RUFY1: variants seen among roughly 807,000 people sequenced by gnomAD.
RUFY1 encodes RUN and FYVE domain-containing protein 1.
RUFY1 carries 54 observed loss-of-function variants against 94.6 expected under a neutral mutation model. The ratio of observed to expected loss-of-function variants is 0.57; its 90% CI spans 0.46 to 0.72. The LOEUF (loss-of-function observed/expected upper bound fraction) is 0.72, where lower values mean the gene tolerates loss of function less well. Among genes scored for constraint, RUFY1 ranks in the 30% least tolerant of loss-of-function variants. The pLI is 0.00. For missense variants in RUFY1, 883 were observed against 883.9 expected, an observed-to-expected ratio of 1.00 and a Z score of 0.01; for synonymous variants, 396 against 347.3, an observed-to-expected ratio of 1.14 and a Z score of -1.56.
intron 3 of RUFY1, 86 bp from the exon 4 acceptor site, chr5:179,567,375 C>A: frequency 1.0e-6 from 1 of 961,888 alleles, no homozygotes; most frequent in Non-Finnish European, 1.7e-6. Context: ...GGTGTGTTTC[C>A]TATGTGTCTC....
At chr5:179,596,762 T>G in intron 13 of RUFY1, 81 bp downstream of exon 13, 1 of 430,410 alleles carries the variant, frequency 2.3e-6, no homozygotes, top group East Asian at 1.1e-4. Context: ...GTATCCTGCT[T>G]CAGCACGAAC....
chr5:179,594,488 G>A (rs1287922037), intron 11 of RUFY1, among the ~76,000 whole-genome samples: 1 of 146,572 alleles, frequency 6.8e-6, no homozygotes, highest in Non-Finnish European at 1.5e-5. Context: ...TAGTCCGGGC[G>A]TGGTGGCTCA....
chr5:179,556,752 A>G lies in RUFY1; in HGVS notation c.311-3273A>G, dbSNP rs554160427. Among the ~76,000 whole-genome samples the G allele has an allele frequency of 3.0e-3, 456 of 152,154 alleles. 1 individual carries two copies. The highest frequency in any genetic ancestry group is 0.01 in the African/African-American group (434 of 41,472). ...TGACCTCAGGTGATCTGCCTGCCTC[A>G]GCCTCCCAAAGTGCTGGGATTACAG... On this transcript the variant is annotated intron_variant, in intron 1 of 17. Transcript: ENST00000319449.
intron 1 of RUFY1, chr5:179,559,815 A>AC (rs933031344): frequency 4.9e-5 from 65 of 1,328,244 alleles, no homozygotes; most frequent in Non-Finnish European, 8.7e-6. Context: ...GGCTCTTCTG[A>AC]CCCAAGGCCC....
intron 6 of RUFY1, among the ~76,000 whole-genome samples, chr5:179,579,468 T>C (rs1320880869): frequency 5.3e-5 from 8 of 151,100 alleles, no homozygotes; most frequent in Admixed American, 1.3e-4. Context: ...GTAGCTGAGA[T>C]TACAGGCGCC....
chr5:179,574,928 G>C (rs1404567251), intron 5 of RUFY1, among the ~76,000 whole-genome samples: 1 of 151,416 alleles, frequency 6.6e-6, no homozygotes, highest in Non-Finnish European at 1.5e-5. Context: ...ATTTTTTTAT[G>C]ATTTGGTTTT....
intron 5 of RUFY1, among the ~76,000 whole-genome samples, chr5:179,571,104 C>T (rs570338043): frequency 1.3e-5 from 2 of 152,244 alleles, no homozygotes; most frequent in African/African-American, 2.4e-5. Flanking sequence ...TTCTCAATAA[C>T]GAGAGATATA....
chr5:179,555,870 G>A (rs1029604245), intron 1 of RUFY1: 3 of 244,636 alleles, frequency 1.2e-5, no homozygotes, highest in African/African-American at 7.2e-5. Context: ...AGTAGAGACA[G>A]GGTTTCACCA....
intron 1 of RUFY1, among the ~76,000 whole-genome samples, chr5:179,556,508 T>G (rs1377701317): frequency 6.9e-6 from 1 of 144,568 alleles, no homozygotes; most frequent in Non-Finnish European, 1.5e-5. Flanking sequence ...TTGAATTGCG[T>G]TTTTTTTTTT....
intron 10 of RUFY1, 44 bp from the exon 11 acceptor site, chr5:179,593,434 G>C (rs1381143775): frequency 1.3e-6 from 2 of 1,568,924 alleles, no homozygotes; most frequent in South Asian, 2.2e-5. Flanking sequence ...ATACATTTCT[G>C]TGATCTATTT....
At chr5:179,598,567 C>G (rs184293629) in intron 13 of RUFY1, 125 bp from the exon 14 acceptor site, 7 of 1,106,012 alleles carry the variant, frequency 6.3e-6, no homozygotes, top group Non-Finnish European at 9.3e-6. Flanking sequence ...GAAGCGTTGC[C>G]GAAGGCTTTA....
In RUFY1 at chr5:179,589,770, G is replaced by C. The variant is rs1360415133; in HGVS notation, c.1128+123G>C. The C allele has an allele frequency of 1.3e-5, 10 of 761,792 alleles. No individual in the cohort carries two copies. In the Admixed American group the frequency reaches 1.6e-4, roughly 12 times the overall value. The allele number at this position is 761,792 out of a possible 1,614,324, so 47.2% of individuals were successfully genotyped here. ...ATGCAAAGGTGCCTTGCTTATGTCA[G>C]AAAGGGCCTCTCACTGCGGTCCCTG... is the stretch of plus-strand genomic sequence containing the variant. On this transcript the variant is annotated intron_variant, in intron 9 of 17. Coordinates refer to ENST00000319449, the MANE Select transcript of RUFY1 (RefSeq NM_025158.5).
At chr5:179,598,533 G>A (rs1376795634) in intron 13 of RUFY1, among the ~76,000 whole-genome samples, 159 bp from the exon 14 acceptor site, 2 of 152,138 alleles carry the variant, frequency 1.3e-5, no homozygotes, top group Non-Finnish European at 2.9e-5. Flanking sequence ...TCTTGTGGAA[G>A]GGCAGGTGAC....
chr5:179,607,407 C>A (rs1041071518), intron 16 of RUFY1, 175 bp from the exon 17 acceptor site: 2 of 623,296 alleles, frequency 3.2e-6, no homozygotes, highest in Admixed American at 5.7e-5. Flanking sequence ...CCGGCTGCGG[C>A]CAGACGGGGA....
In RUFY1 at chr5:179,577,124, A is replaced by G; in HGVS notation, c.878A>G (p.Asp293Gly). The G allele has an allele frequency of 1.1e-6, 1 of 939,074 alleles. No homozygotes were observed. Among genetic ancestry groups the G allele is most frequent in the South Asian group, 1.3e-5 (1 of 78,524 alleles). The allele number at this position is 939,074 out of a possible 1,614,324, so 58.2% of individuals were successfully genotyped here. A position where few individuals can be genotyped will look rare whatever the true frequency, so the allele number is the denominator to read the frequency against. Residue 293 changes from aspartate (D) to glycine (G), a missense_variant, in exon 6 of 18, where the codon GAT becomes GGT. Transcript: ENST00000319449. ...SLYLKDVQDL[D>G]GGKEHERITD... ...TACCTTAAGGATGTGCAGGATCTTG[A>G]TGGTGGCAAGGAGTAAGTACTGCGT...
rs367823926 is a variant in RUFY1, at chr5:179,596,574, G to A, written c.1524G>A (p.Ser508=). The A allele has an allele frequency of 2.9e-5, 47 of 1,613,568 alleles. No individual in the cohort carries two copies. In the East Asian group the frequency reaches 3.8e-4, roughly 13 times the overall value. The change falls in exon 13 of 18, where the codon TCG becomes TCA. Residue 508 remains serine (S), a synonymous_variant. Transcript: ENST00000319449. ...MKQMEERLQH[S]ERARQGAEER... ...GTGTCGCATCCAGGTTGCAGCACTC[G>A]GAGCGGGCGAGGCAGGGGGCTGAGG...
At position 179,569,064 on chromosome 5, in the gene RUFY1, G is replaced by A. The variant is rs564792417; in HGVS notation, c.705-238G>A. On this transcript the variant is annotated intron_variant, in intron 4 of 17. Transcript: ENST00000319449. Reference sequence around the variant, plus strand: ...GAGAACTGGGGTCCAGGGTCTGCATGGAGGAGTTAACTTTAGACAGGAGGA... The same window carrying A: ...GAGAACTGGGGTCCAGGGTCTGCATAGAGGAGTTAACTTTAGACAGGAGGA... 1.8e-3 allele frequency: 1,785 copies of A among 985,288 alleles called. 3 individuals are homozygous for A. Among genetic ancestry groups the A allele is most frequent in the Non-Finnish European group, 2.1e-3 (1,744 of 829,924 alleles). 61.0% of individuals were successfully genotyped at this position (985,288 alleles called of 1,614,324 possible).
rs145349698 is a variant in RUFY1 at position 179,566,927 on chromosome 5, G to T, written c.603-534G>T. Among the ~76,000 whole-genome samples, 601 of 152,086 alleles carry T rather than the reference G, an allele frequency of 4.0e-3. 4 individuals are homozygous for T. The highest frequency in any genetic ancestry group is 0.014 in the African/African-American group (588 of 41,484). On this transcript the variant is annotated intron_variant, in intron 3 of 17. Transcript: ENST00000319449. ...AAATTAGCCAGGTGTGGTGATGCATGCCTGTAATCCCAGCTACTCAGGAGG... is the reference window on the plus strand; with the variant it reads ...AAATTAGCCAGGTGTGGTGATGCATTCCTGTAATCCCAGCTACTCAGGAGG...
chr5:179,579,657 C>CTTTTTCTTTTTTTTTTTTTTTT, intron 6 of RUFY1, among the ~76,000 whole-genome samples: 19 of 50,558 alleles, frequency 3.8e-4, no homozygotes, highest in East Asian at 2.4e-3. Flanking sequence ...TTTTCTTCTT[C>CTTTTTCTTTTTTTTTTTTTTTT]TTTTTTTTTT....
Sources: allele counts gnomAD v4.1 joint callset (sites outside exome capture counted in the v4.1 genomes callset), GRCh38; gene constraint gnomAD v4.1.1; transcripts MANE v1.5; gene names NCBI Gene and HGNC (gene_info 2026-07-23, HGNC 2026-07-21).